The following TANGO6 variants were observed in gnomAD, a reference collection of about 807,000 sequenced individuals.
TANGO6 encodes transport and Golgi organization protein 6 homolog.
A neutral mutation model predicts 114.2 loss-of-function variants in TANGO6; 90 were observed. The observed-to-expected ratio is 0.79, with a 90% CI of 0.66 to 0.94. TANGO6 has a LOEUF of 0.94. TANGO6 is among the 40% of genes least tolerant of loss of function. The probability of loss-of-function intolerance (pLI) is 0.00; values close to 1 mark genes in which losing one functional copy is unlikely to be tolerated. For synonymous variants in TANGO6, 477 were observed against 509.8 expected (o/e 0.94, Z 0.87); for missense variants, 1,274 against 1,315.3 (o/e 0.97, Z 0.49).
chr16:69,076,985 C>T (rs543219630), intron 17 of TANGO6, among the ~76,000 whole-genome samples: 6 of 152,008 alleles, frequency 3.9e-5, no homozygotes, highest in African/African-American at 1.4e-4. Context: ...CGACAGAGCA[C>T]GACTCTGTCT....
intron 16 of TANGO6, among the ~76,000 whole-genome samples, chr16:69,031,719 G>A (rs1426514426): frequency 1.3e-5 from 2 of 151,460 alleles, no homozygotes; most frequent in African/African-American, 2.4e-5. Flanking sequence ...GTGCAGTGGT[G>A]CGATCTCAGC....
intron 7 of TANGO6, among the ~76,000 whole-genome samples, chr16:68,882,460 G>A (rs574826558): frequency 6.6e-6 from 1 of 151,792 alleles, no homozygotes; most frequent in East Asian, 1.9e-4. Flanking sequence ...TCGCACCACT[G>A]CACTCCAGCC....
chr16:68,925,012 A>G (rs1395299181), intron 12 of TANGO6, among the ~76,000 whole-genome samples: 2 of 151,764 alleles, frequency 1.3e-5, no homozygotes, highest in African/African-American at 4.8e-5. Context: ...TGTGGATGCA[A>G]AGAGGGGTGG....
In TANGO6 at chr16:68,956,157, AC is replaced by A. The variant is rs560487925; in HGVS notation, c.2702-17870del. ...TGGGGTGAGACTCTGTCTCAAAAAA[AC>A]AAAACAAAAAATAAAAACAACTATT... is the stretch of plus-strand genomic sequence containing the variant. On this transcript the variant is annotated intron_variant, in intron 14 of 17. Coordinates refer to ENST00000261778, the MANE Select transcript of TANGO6 (RefSeq NM_024562.2). Among the ~76,000 whole-genome samples, 651 of 152,322 alleles carry A rather than the reference AC, an allele frequency of 4.3e-3. 4 individuals are homozygous for A. Among genetic ancestry groups the A allele is most frequent in the African/African-American group, 0.015 (622 of 41,564 alleles).
intron 17 of TANGO6, among the ~76,000 whole-genome samples, chr16:69,056,752 C>T (rs1181893125): frequency 6.6e-6 from 1 of 152,026 alleles, no homozygotes; most frequent in Non-Finnish European, 1.5e-5. Context: ...AAAGTTAATG[C>T]CAGGAAGAAT....
chr16:69,067,147 T>G (rs1013636401), intron 17 of TANGO6, among the ~76,000 whole-genome samples: 5 of 152,126 alleles, frequency 3.3e-5, no homozygotes, highest in Non-Finnish European at 7.4e-5. Flanking sequence ...TCCTCTCACC[T>G]TTACCTCCCG....
At chr16:68,864,046 T>C (rs1962140624) in intron 3 of TANGO6, among the ~76,000 whole-genome samples, 1 of 151,852 alleles carries the variant, frequency 6.6e-6, no homozygotes, top group Non-Finnish European at 1.5e-5. Context: ...TGGTGACGCA[T>C]GCCTGTAATC....
chr16:68,946,680 CT>C (rs1211870968), intron 14 of TANGO6, among the ~76,000 whole-genome samples: 1 of 151,892 alleles, frequency 6.6e-6, no homozygotes, highest in African/African-American at 2.4e-5. Flanking sequence ...TTTTGTATTT[CT>C]TGTAGAGACA....
At chr16:69,072,712 T>C (rs1227157699) in intron 17 of TANGO6, among the ~76,000 whole-genome samples, 1 of 152,082 alleles carries the variant, frequency 6.6e-6, no homozygotes, top group Non-Finnish European at 1.5e-5. Flanking sequence ...ACTCAGTTAC[T>C]AAAAACAGAG....
chr16:68,966,256 G>T (rs935660238), intron 14 of TANGO6, among the ~76,000 whole-genome samples: 2 of 151,650 alleles, frequency 1.3e-5, no homozygotes, highest in African/African-American at 2.4e-5. Flanking sequence ...GGCTGCAGTG[G>T]CTCACGCCTG....
chr16:69,082,044 G>A (rs749494652), intron 17 of TANGO6, among the ~76,000 whole-genome samples: 1 of 150,882 alleles, frequency 6.6e-6, no homozygotes, highest in Admixed American at 6.6e-5. Flanking sequence ...GCGCCATCTC[G>A]GCTCACTGGG....
At chr16:68,885,295 C>G (rs1962525382) in intron 7 of TANGO6, among the ~76,000 whole-genome samples, 1 of 152,108 alleles carries the variant, frequency 6.6e-6, no homozygotes, top group African/African-American at 2.4e-5. Flanking sequence ...TTTATTAAGA[C>G]AAAAATTCAC....
chr16:69,070,594 CTACACT>C lies in TANGO6; in HGVS notation c.3109-12890_3109-12885del, dbSNP rs1960283731. Among the ~76,000 whole-genome samples, 4 of 148,068 alleles carry C rather than the reference CTACACT, an allele frequency of 2.7e-5. No individual in the cohort carries two copies. In the Admixed American group the frequency reaches 2.7e-4, roughly 10 times the overall value. On this transcript the variant is annotated intron_variant, in intron 17 of 17. Coordinates refer to ENST00000261778, the MANE Select transcript of TANGO6 (RefSeq NM_024562.2). ...GTTGCAGTGAGCCAAGATCACACCACTACACTCCAGCCCGGGTGACAGAGGGAGACT... is the reference window on the plus strand; with the variant it reads ...GTTGCAGTGAGCCAAGATCACACCACCCAGCCCGGGTGACAGAGGGAGACT...
chr16:69,038,253 C>A (rs1959721334), intron 16 of TANGO6, among the ~76,000 whole-genome samples: 2 of 151,946 alleles, frequency 1.3e-5, no homozygotes, highest in Non-Finnish European at 2.9e-5. Flanking sequence ...CACGGTGAAA[C>A]CCTGCCTCTA....
Position 68,878,141 on chromosome 16 carries a change from A to T in TANGO6, c.1155A>T (p.Gln385His). The T allele has an allele frequency of 6.2e-7, 1 of 1,610,580 alleles. No homozygotes were observed. Among genetic ancestry groups the T allele is most frequent in the Non-Finnish European group, 8.5e-7 (1 of 1,178,788 alleles). Residue 385 changes from glutamine (Q) to histidine (H), a missense_variant, in exon 6 of 18, where the codon CAA (glutamine) becomes CAT (histidine). Around this residue, in one of 5 missense-constraint regions of TANGO6, gnomAD observed 908 missense variants for 910.2 expected, o/e 1.00. Transcript: ENST00000261778. ...AGGTTCTGGATTTATTTCACTTTCA[A>T]GATAAATTGACAGCACGACAATTTC... The part of the protein sequence containing the change: ...CPQVLDLFHF[Q>H]DKLTARQFQR...
chr16:69,076,708 A>G (rs1960385235), intron 17 of TANGO6, among the ~76,000 whole-genome samples: 2 of 152,142 alleles, frequency 1.3e-5, no homozygotes, highest in South Asian at 4.1e-4. Flanking sequence ...CCTGCCTTGT[A>G]CTTGCTTCTA....
At chr16:69,013,274 A>G (rs184517041) in intron 15 of TANGO6, among the ~76,000 whole-genome samples, 1 of 152,124 alleles carries the variant, frequency 6.6e-6, no homozygotes, top group African/African-American at 2.4e-5. Context: ...ATTTGGTTTA[A>G]TTTTTTCTTT....
intron 4 of TANGO6, among the ~76,000 whole-genome samples, chr16:68,870,762 T>C (rs1962253731): frequency 6.6e-6 from 1 of 152,118 alleles, no homozygotes; most frequent in Admixed American, 6.6e-5. Context: ...TGAACTTTAG[T>C]TGCCATTTCT....
chr16:68,894,621 G>T (rs1395792445), intron 7 of TANGO6, among the ~76,000 whole-genome samples: 3 of 151,944 alleles, frequency 2.0e-5, no homozygotes, highest in Non-Finnish European at 4.4e-5. Flanking sequence ...GGATAAAATT[G>T]GTATAGGCTA....
Sources: gnomAD v4.1 joint callset for allele counts (sites outside exome capture counted in the v4.1 genomes callset) on GRCh38, gnomAD v4.1.1 for gene constraint, gnomAD v4.1.1 regional missense constraint, MANE v1.5 for transcripts, NCBI Gene and HGNC (gene_info 2026-07-23, HGNC 2026-07-21) for gene names.